NKAIN3: variants seen among roughly 807,000 people sequenced by gnomAD.
NKAIN3 encodes the protein sodium/potassium transporting ATPase interacting 3.
Under a neutral mutation model 30.2 loss-of-function variants are expected in NKAIN3, and 25 were observed. That is an observed-to-expected ratio of 0.83 (90% CI 0.60 to 1.16). NKAIN3 has a LOEUF of 1.16. Among genes scored for constraint, NKAIN3 ranks in the 50% most tolerant of loss-of-function variants. The pLI, the probability that NKAIN3 is intolerant of heterozygous loss-of-function variation, is 0.00. For missense variants in NKAIN3, 225 were observed against 254.1 expected (o/e 0.89, Z 0.78); for synonymous variants, 91 against 89.6 (o/e 1.02, Z -0.09).
intron 1 of NKAIN3, among the ~76,000 whole-genome samples, chr8:62,359,475 G>A (rs1816476655): frequency 6.6e-6 from 1 of 152,172 alleles, no homozygotes; most frequent in South Asian, 2.1e-4. Flanking sequence ...TACTTGGGAG[G>A]GAGGTTTGAA....
intron 5 of NKAIN3, among the ~76,000 whole-genome samples, chr8:62,922,906 C>T (rs1188197555): frequency 6.6e-6 from 1 of 152,084 alleles, no homozygotes. Context: ...CTAGCTAATC[C>T]TCCCACTAGC....
intron 1 of NKAIN3, among the ~76,000 whole-genome samples, chr8:62,448,819 T>A (rs997767447): frequency 1.3e-5 from 2 of 151,970 alleles, no homozygotes; most frequent in Non-Finnish European, 2.9e-5. Context: ...GTTGTATGGA[T>A]TTTTTAAGTG....
chr8:62,624,288 C>A (rs1811721548), intron 3 of NKAIN3, among the ~76,000 whole-genome samples: 1 of 151,966 alleles, frequency 6.6e-6, no homozygotes, highest in African/African-American at 2.4e-5. Context: ...GCCAATGCAG[C>A]CCAGTAGGTC....
At chr8:62,295,530 C>T (rs1268251095) in intron 1 of NKAIN3, among the ~76,000 whole-genome samples, 4 of 152,008 alleles carry the variant, frequency 2.6e-5, no homozygotes, top group African/African-American at 9.7e-5. Context: ...GTTTTGTAGT[C>T]TATAAAAATG....
At position 62,889,858 on chromosome 8, in the gene NKAIN3, T is replaced by C. The variant is rs551549560; in HGVS notation, c.472-28595T>C. ...AGCGTGGCATAACTTTTAATTAGGT[T>C]TGGGTTTGAAAAGAAAGAAAATATA... is the stretch of plus-strand genomic sequence containing the variant. On this transcript the variant is annotated intron_variant, in intron 4 of 6. Coordinates refer to ENST00000623646, the MANE Select transcript of NKAIN3 (RefSeq NM_001304533.3). Among the ~76,000 whole-genome samples, 6 of 152,186 alleles carry C rather than the reference T, an allele frequency of 3.9e-5. No individual in the cohort carries two copies. The South Asian group carries it at 1.2e-3, about 32-fold the overall frequency.
intron 1 of NKAIN3, among the ~76,000 whole-genome samples, chr8:62,250,785 AAAT>A (rs1585596363): frequency 6.6e-6 from 1 of 152,196 alleles, no homozygotes; most frequent in Non-Finnish European, 1.5e-5. Flanking sequence ...TAGTTGATAC[AAAT>A]GCAACTTATT....
At chr8:62,436,470 A>T (rs1476208069) in intron 1 of NKAIN3, among the ~76,000 whole-genome samples, 1 of 152,098 alleles carries the variant, frequency 6.6e-6, no homozygotes, top group Non-Finnish European at 1.5e-5. Context: ...AAGCTGTCAC[A>T]TTTTTTCTTG....
intron 1 of NKAIN3, among the ~76,000 whole-genome samples, chr8:62,454,959 G>A (rs993391383): frequency 6.6e-6 from 1 of 152,190 alleles, no homozygotes; most frequent in Non-Finnish European, 1.5e-5. Flanking sequence ...CAATTCAAGT[G>A]AAGTTGGCAC....
intron 4 of NKAIN3, among the ~76,000 whole-genome samples, chr8:62,894,508 T>G (rs1821378237): frequency 6.6e-6 from 1 of 152,196 alleles, no homozygotes; most frequent in Non-Finnish European, 1.5e-5. Context: ...TATTATCTTC[T>G]TGGAATGAAA....
chr8:62,581,167 T>TAAAAA (rs1482063248), intron 2 of NKAIN3, among the ~76,000 whole-genome samples: 3 of 133,130 alleles, frequency 2.3e-5, no homozygotes, highest in Non-Finnish European at 5.1e-5. Flanking sequence ...TAAAATAAAA[T>TAAAAA]AAAAATACAG....
intron 4 of NKAIN3, among the ~76,000 whole-genome samples, chr8:62,905,841 C>T (rs1563621481): frequency 6.6e-6 from 1 of 152,176 alleles, no homozygotes; most frequent in Non-Finnish European, 1.5e-5. Context: ...AGAACTTCAT[C>T]CATGGACCCC....
intron 1 of NKAIN3, among the ~76,000 whole-genome samples, chr8:62,399,576 A>G (rs911499485): frequency 3.7e-4 from 57 of 152,208 alleles, no homozygotes; most frequent in Non-Finnish European, 1.2e-4. Flanking sequence ...ACAAGCAACA[A>G]TTGTATAAAA....
chr8:62,500,481 GA>G (rs1412919327), intron 1 of NKAIN3, among the ~76,000 whole-genome samples: 115 of 123,022 alleles, frequency 9.3e-4, no homozygotes, highest in Middle Eastern at 4.1e-3. Context: ...AAGAAAGAAA[GA>G]AAGAAGAAAA....
In NKAIN3 at chr8:62,726,880, C is replaced by T. The variant is rs1298174577; in HGVS notation, c.274-20052C>T. Among the ~76,000 whole-genome samples the T allele has an allele frequency of 5.3e-5, 8 of 151,950 alleles. No individual in the cohort carries two copies. The East Asian group carries it at 1.4e-3, about 26-fold the overall frequency. On this transcript the variant is annotated intron_variant, in intron 3 of 6. Coordinates refer to ENST00000623646, the MANE Select transcript of NKAIN3 (RefSeq NM_001304533.3). ...GACCAGCATTACTGTAATACCAAAA[C>T]CAGAGAAGAAAATGACAAGAACAGG...
In NKAIN3 at chr8:62,444,518, G is replaced by A. The variant is rs1191028344; in HGVS notation, c.55-135021G>A. Among the ~76,000 whole-genome samples, 4 of 152,062 alleles carry A rather than the reference G, an allele frequency of 2.6e-5. No homozygotes were observed. In the East Asian group the frequency reaches 5.8e-4, roughly 22 times the overall value. ...GTTTCTCTTAATAAAGTCACTCCCA[G>A]CTCTATCCATGTTGCTAAAAATGAT... On this transcript the variant is annotated intron_variant, in intron 1 of 6. Transcript: ENST00000623646.
chr8:62,531,235 G>A (rs922248108), intron 1 of NKAIN3, among the ~76,000 whole-genome samples: 9 of 152,098 alleles, frequency 5.9e-5, no homozygotes, highest in African/African-American at 1.9e-4. Context: ...TACCTCTCAT[G>A]TCGTTTTAGT....
chr8:62,798,397 C>T (rs1244115203), intron 4 of NKAIN3, among the ~76,000 whole-genome samples: 2 of 151,972 alleles, frequency 1.3e-5, no homozygotes, highest in Non-Finnish European at 2.9e-5. Context: ...CGGTGAAACC[C>T]CATCTCTACT....
At chr8:62,760,632 G>T (rs1017574240) in intron 4 of NKAIN3, among the ~76,000 whole-genome samples, 5 of 147,824 alleles carry the variant, frequency 3.4e-5, no homozygotes, top group East Asian at 2.1e-4. Flanking sequence ...GTTGTGGTGT[G>T]GGGGGAGGGG....
intron 1 of NKAIN3, among the ~76,000 whole-genome samples, chr8:62,375,500 A>C (rs1241380551): frequency 2.0e-5 from 3 of 152,218 alleles, no homozygotes; most frequent in Non-Finnish European, 4.4e-5. Flanking sequence ...TAGGCTACTT[A>C]GTATCCATGA....
Sources: allele counts gnomAD v4.1 joint callset (sites outside exome capture counted in the v4.1 genomes callset), GRCh38; gene constraint gnomAD v4.1.1; transcripts MANE v1.5; gene names NCBI Gene and HGNC (gene_info 2026-07-23, HGNC 2026-07-21).